GPATCH2: variants seen among roughly 807,000 people sequenced by gnomAD.
GPATCH2 encodes the protein G-patch domain containing 2.
A neutral mutation model predicts 58.0 loss-of-function variants in GPATCH2; 51 were observed. The ratio of observed to expected loss-of-function variants is 0.88; its 90% CI spans 0.70 to 1.11. GPATCH2 has a LOEUF of 1.11. Ranked by LOEUF, GPATCH2 falls within the 50% of genes most tolerant of loss-of-function variation. The probability of loss-of-function intolerance (pLI) is 0.00; values close to 1 mark genes in which losing one functional copy is unlikely to be tolerated. For synonymous variants in GPATCH2, 222 were observed against 218.5 expected (o/e 1.02, Z -0.14); for missense variants, 625 against 652.2 (o/e 0.96, Z 0.45).
chr1:217,552,129 C>T (rs1049516415), intron 5 of GPATCH2, among the ~76,000 whole-genome samples: 1 of 151,964 alleles, frequency 6.6e-6, no homozygotes, highest in East Asian at 1.9e-4. Context: ...ACCAACAAAC[C>T]AACCTGATGT....
intron 9 of GPATCH2, among the ~76,000 whole-genome samples, chr1:217,446,304 C>T (rs1659384619): frequency 6.6e-6 from 1 of 152,126 alleles, no homozygotes; most frequent in South Asian, 2.1e-4. Flanking sequence ...TTGTCCTTAG[C>T]TAAAAATCAG....
At chr1:217,618,708 C>T (rs1043946456) in intron 2 of GPATCH2, among the ~76,000 whole-genome samples, 1 of 151,908 alleles carries the variant, frequency 6.6e-6, no homozygotes, top group African/African-American at 2.4e-5. Flanking sequence ...TTAAAATGAT[C>T]CCAGCCCTTG....
At chr1:217,592,631 T>C (rs1667642701) in intron 5 of GPATCH2, among the ~76,000 whole-genome samples, 1 of 151,932 alleles carries the variant, frequency 6.6e-6, no homozygotes, top group Non-Finnish European at 1.5e-5. Flanking sequence ...ATTTTGTACA[T>C]GTAGTGTTCA....
intron 8 of GPATCH2, among the ~76,000 whole-genome samples, chr1:217,481,493 T>C (rs1291877289): frequency 6.6e-6 from 1 of 152,196 alleles, no homozygotes; most frequent in Non-Finnish European, 1.5e-5. Context: ...CTGTATTTTG[T>C]TATAAGTTTA....
chr1:217,514,520 G>A (rs992166048), intron 6 of GPATCH2, among the ~76,000 whole-genome samples: 4 of 152,142 alleles, frequency 2.6e-5, no homozygotes, highest in African/African-American at 9.7e-5. Flanking sequence ...GGAGGAGTAC[G>A]AAAGCTTGAT....
intron 5 of GPATCH2, among the ~76,000 whole-genome samples, chr1:217,516,697 A>G (rs1663170839): frequency 6.6e-6 from 1 of 152,200 alleles, no homozygotes. Context: ...CAGGCAACTT[A>G]TTTCCTTTGC....
chr1:217,501,594 T>C lies in GPATCH2; in HGVS notation c.1167-3199A>G, dbSNP rs181071161. On this transcript the variant is annotated intron_variant, in intron 6 of 9. Transcript: ENST00000366935. ...GTAATCCAGTTTTTCCACATCCTCA[T>C]TGGCATTCGATGCTGTCACTATGTT... Among the ~76,000 whole-genome samples the C allele has an allele frequency of 2.1e-3, 322 of 152,248 alleles. 2 individuals are homozygous for C. Among genetic ancestry groups the C allele is most frequent in the East Asian group, 0.013 (65 of 5,190 alleles).
At position 217,431,346 on chromosome 1, in the gene GPATCH2, G is replaced by A; in HGVS notation, c.1386C>T (p.Ala462=). ...PTTAGFVGEN[A]QPILENNIGN... ...CAATATTATTTTCTAGGATTGGCTG[G>A]GCATTTTCACCTACAAATCCTGAAA... Residue 462 remains alanine, a synonymous_variant, in exon 10 of 10, where the codon GCC becomes GCT. Coordinates refer to ENST00000366935, the MANE Select transcript of GPATCH2 (RefSeq NM_018040.5). 6.3e-7 allele frequency: 1 copy of A among 1,592,734 alleles called. No individual in the cohort carries two copies. The highest frequency in any genetic ancestry group is 8.6e-7 in the Non-Finnish European group (1 of 1,160,498).
intron 5 of GPATCH2, among the ~76,000 whole-genome samples, chr1:217,593,989 C>CA (rs1288836973): frequency 1.3e-5 from 2 of 151,996 alleles, no homozygotes; most frequent in African/African-American, 4.8e-5. Flanking sequence ...AAGGAGTATG[C>CA]AAATAATTTC....
At position 217,610,996 on chromosome 1, in the gene GPATCH2, C is replaced by A. The variant is rs771293504; in HGVS notation, c.911G>T (p.Trp304Leu). The A allele has an allele frequency of 1.2e-5, 19 of 1,613,220 alleles. No homozygotes were observed. The Admixed American group carries it at 3.2e-4, about 27-fold the overall frequency. Residue 304 changes from tryptophan (W) to leucine (L), a missense_variant, in exon 4 of 10, where the codon TGG (tryptophan) becomes TTG (leucine). By Grantham distance (61) the Trp-to-Leu change is moderately conservative (BLOSUM62 -2). Coordinates refer to ENST00000366935, the MANE Select transcript of GPATCH2 (RefSeq NM_018040.5). ...GACGITGVVP[W>L]WEKEDPTELD... ...CTCAGTAGGATCTTCCTTTTCCCACCAGGGCACAACTCCAGTGATACCACA... is the reference window on the plus strand; with the variant it reads ...CTCAGTAGGATCTTCCTTTTCCCACAAGGGCACAACTCCAGTGATACCACA...
At chr1:217,497,911 T>A (rs941133565) in intron 7 of GPATCH2, among the ~76,000 whole-genome samples, 1 of 152,148 alleles carries the variant, frequency 6.6e-6, no homozygotes, top group African/African-American at 2.4e-5. Context: ...GTAAGAAATT[T>A]AAAAAAATTC....
At chr1:217,536,833 C>A (rs537948229) in intron 5 of GPATCH2, among the ~76,000 whole-genome samples, 1 of 151,990 alleles carries the variant, frequency 6.6e-6, no homozygotes, top group Non-Finnish European at 1.5e-5. Context: ...AAAAATTAGC[C>A]GGGCGTGGTG....
chr1:217,467,059 G>A (rs1443737649), intron 8 of GPATCH2, among the ~76,000 whole-genome samples: 1 of 152,168 alleles, frequency 6.6e-6, no homozygotes, highest in African/African-American at 2.4e-5. Flanking sequence ...TGTGGTCCCA[G>A]CTACTCAGGA....
In GPATCH2 at chr1:217,619,905, G is replaced by A. The variant is rs1232180869; in HGVS notation, c.651C>T (p.Ile217=). The A allele has an allele frequency of 1.2e-6, 2 of 1,613,610 alleles. No individual in the cohort carries two copies. Among genetic ancestry groups the A allele is most frequent in the Non-Finnish European group, 8.5e-7 (1 of 1,179,720 alleles). The change falls in exon 2 of 10, where the codon ATC becomes ATT. Residue 217 remains isoleucine (I), a synonymous_variant. Coordinates refer to ENST00000366935, the MANE Select transcript of GPATCH2 (RefSeq NM_018040.5). ...NKVKKRKLKI[I]RQGPKIQDEG... Reference sequence around the variant, plus strand: ...CATCTTGGATTTTTGGTCCTTGTCTGATTATTTTCAACTTTCTTTTTTTGA... The same window carrying A: ...CATCTTGGATTTTTGGTCCTTGTCTAATTATTTTCAACTTTCTTTTTTTGA...
chr1:217,508,443 A>C (rs1256903912), intron 6 of GPATCH2, among the ~76,000 whole-genome samples: 2 of 152,178 alleles, frequency 1.3e-5, no homozygotes, highest in Admixed American at 6.5e-5. Flanking sequence ...ACAATTCCTC[A>C]GGTAAATATC....
At chr1:217,595,083 C>G (rs1186393943) in intron 5 of GPATCH2, among the ~76,000 whole-genome samples, 1 of 152,146 alleles carries the variant, frequency 6.6e-6, no homozygotes, top group Non-Finnish European at 1.5e-5. Context: ...TTCCTAAAAA[C>G]AGTCAATTCC....
chr1:217,620,490 A>G lies in GPATCH2; in HGVS notation c.66T>C (p.Ser22=). The change falls in exon 2 of 10, where the codon AGT becomes AGC. Residue 22 remains serine (S), a synonymous_variant. Coordinates refer to ENST00000366935, the MANE Select transcript of GPATCH2 (RefSeq NM_018040.5). ...APAAGNSWHF[S]RTMEELVHDL... Reference sequence around the variant, plus strand: ...CATGAACCAGCTCCTCCATGGTTCTACTGAAATGCCTTCATTTTTTAGAGA... The same window carrying G: ...CATGAACCAGCTCCTCCATGGTTCTGCTGAAATGCCTTCATTTTTTAGAGA... The G allele has an allele frequency of 6.3e-7, 1 of 1,585,920 alleles. No individual in the cohort carries two copies. Among genetic ancestry groups the G allele is most frequent in the South Asian group, 1.1e-5 (1 of 89,092 alleles).
At chr1:217,591,608 C>A (rs1667595269) in intron 5 of GPATCH2, among the ~76,000 whole-genome samples, 1 of 152,066 alleles carries the variant, frequency 6.6e-6, no homozygotes, top group African/African-American at 2.4e-5. Flanking sequence ...CTTCAAAAAA[C>A]TGAGTTCTAA....
intron 5 of GPATCH2, among the ~76,000 whole-genome samples, chr1:217,566,459 T>C (rs1470816664): frequency 6.6e-6 from 1 of 152,198 alleles, no homozygotes; most frequent in East Asian, 1.9e-4. Context: ...GTATACTGAA[T>C]TAATTCATTA....
Sources: gnomAD v4.1 joint callset for allele counts (sites outside exome capture counted in the v4.1 genomes callset) on GRCh38, gnomAD v4.1.1 for gene constraint, MANE v1.5 for transcripts, NCBI Gene and HGNC (gene_info 2026-07-23, HGNC 2026-07-21) for gene names.